PDE3B: variants seen among roughly 807,000 people sequenced by gnomAD.
PDE3B encodes phosphodiesterase 3B.
In PDE3B, 66 loss-of-function variants were observed where a neutral mutation model predicts 116.8. The ratio of observed to expected loss-of-function variants is 0.56; its 90% CI spans 0.46 to 0.69. The LOEUF is 0.69. Ranked by LOEUF, PDE3B falls within the 30% of genes least tolerant of loss-of-function variation. The pLI, the probability that PDE3B is intolerant of heterozygous loss-of-function variation, is 0.00. For synonymous variants in PDE3B, 595 were observed against 533.6 expected (o/e 1.12, Z -1.59); for missense variants, 1,384 against 1,368.1 (o/e 1.01, Z -0.18).
At chr11:14,833,590 C>G (rs1014684227) in intron 10 of PDE3B, among the ~76,000 whole-genome samples, 1 of 151,924 alleles carries the variant, frequency 6.6e-6, no homozygotes, top group African/African-American at 2.4e-5. Context: ...TAACTGTGTT[C>G]TGATTTATGG....
intron 1 of PDE3B, among the ~76,000 whole-genome samples, chr11:14,715,762 C>A (rs967873209): frequency 6.6e-6 from 1 of 152,162 alleles, no homozygotes; most frequent in African/African-American, 2.4e-5. Context: ...CTTCTCCTGC[C>A]TGATTGCCCT....
chr11:14,771,846 AG>A lies in PDE3B; in HGVS notation c.979-90del, dbSNP rs1857651010. On this transcript the variant is annotated intron_variant, in intron 1 of 15. Transcript: ENST00000282096. ...TCTCTTCCAGATTTTGAGCTATATTAGATAATTATAATTGAAAATGCTGAAT... is the reference window on the plus strand; with the variant it reads ...TCTCTTCCAGATTTTGAGCTATATTAATAATTATAATTGAAAATGCTGAAT... 1.4e-5 allele frequency: 7 copies of A among 496,076 alleles called. No individual in the cohort carries two copies. The Admixed American group carries it at 2.1e-4, about 15-fold the overall frequency. 30.7% of individuals were successfully genotyped at this position (496,076 alleles called of 1,614,324 possible). A position where few individuals can be genotyped will look rare whatever the true frequency, so the allele number is the denominator to read the frequency against.
At chr11:14,724,967 A>G (rs779377309) in intron 1 of PDE3B, among the ~76,000 whole-genome samples, 1 of 152,240 alleles carries the variant, frequency 6.6e-6, no homozygotes, top group African/African-American at 2.4e-5. Flanking sequence ...CTTTGCTGTC[A>G]TGGAACCTAA....
At chr11:14,718,052 C>A (rs1197661523) in intron 1 of PDE3B, among the ~76,000 whole-genome samples, 2 of 150,326 alleles carry the variant, frequency 1.3e-5, no homozygotes, top group Admixed American at 6.6e-5. Context: ...CACACATAGG[C>A]TGAAAATAAA....
chr11:14,824,012 C>A (rs1235519854), intron 7 of PDE3B, among the ~76,000 whole-genome samples: 1 of 152,136 alleles, frequency 6.6e-6, no homozygotes, highest in Non-Finnish European at 1.5e-5. Flanking sequence ...TCTGTGGGGA[C>A]CAGGGGCTAG....
chr11:14,796,166 G>C (rs112315787), intron 4 of PDE3B, among the ~76,000 whole-genome samples: 2,036 of 152,202 alleles, frequency 0.013, 46 homozygotes, highest in African/African-American at 0.046. Flanking sequence ...GAGAATGATG[G>C]TTTCCAGCTT....
intron 12 of PDE3B, among the ~76,000 whole-genome samples, chr11:14,845,730 A>G (rs777558454): frequency 6.6e-6 from 1 of 152,240 alleles, no homozygotes; most frequent in Non-Finnish European, 1.5e-5. Context: ...ACCGGAAGAA[A>G]GGGTTTCGGT....
At chr11:14,806,595 C>T (rs551858737) in intron 5 of PDE3B, among the ~76,000 whole-genome samples, 45 of 151,962 alleles carry the variant, frequency 3.0e-4, no homozygotes, top group African/African-American at 1.1e-3. Context: ...CGCGGTGGCT[C>T]ATGCCTGTAA....
chr11:14,800,181 C>G (rs868725115), intron 4 of PDE3B, among the ~76,000 whole-genome samples: 4 of 152,150 alleles, frequency 2.6e-5, no homozygotes, highest in Non-Finnish European at 5.9e-5. Flanking sequence ...TTCTCCTTCA[C>G]TTATGAAGCT....
chr11:14,755,691 A>T (rs1857163745), intron 1 of PDE3B, among the ~76,000 whole-genome samples: 1 of 152,218 alleles, frequency 6.6e-6, no homozygotes. Context: ...TGGAAGACCC[A>T]CATTACAAAA....
intron 11 of PDE3B, among the ~76,000 whole-genome samples, chr11:14,843,411 G>T (rs191442237): frequency 4.5e-4 from 68 of 152,290 alleles, no homozygotes; most frequent in African/African-American, 1.6e-3. Flanking sequence ...AGTTTGGTAA[G>T]ATATTAAATT....
chr11:14,746,960 C>T (rs1427803911), intron 1 of PDE3B, among the ~76,000 whole-genome samples: 3 of 152,102 alleles, frequency 2.0e-5, no homozygotes, highest in Non-Finnish European at 4.4e-5. Context: ...GTTTAGTTGG[C>T]TCATAGTTCT....
At chr11:14,730,334 T>G (rs1282877436) in intron 1 of PDE3B, among the ~76,000 whole-genome samples, 1 of 152,198 alleles carries the variant, frequency 6.6e-6, no homozygotes, top group African/African-American at 2.4e-5. Flanking sequence ...CTAAGCTCTG[T>G]GGTCTATCAA....
intron 7 of PDE3B, 85 bp downstream of exon 7, chr11:14,819,294 C>A: frequency 1.3e-6 from 1 of 778,996 alleles, no homozygotes; most frequent in Non-Finnish European, 2.2e-6. Context: ...ATGAGTTTAA[C>A]TTCAGTTTAT....
At chr11:14,895,890 C>G in the PDE3B span, among the ~76,000 whole-genome samples, 4 of 152,126 alleles carry the variant, frequency 2.6e-5, no homozygotes, top group African/African-American at 9.7e-5. Context: ...GAATGAGGGA[C>G]ATGATGACAT....
intron 5 of PDE3B, among the ~76,000 whole-genome samples, chr11:14,806,587 C>A (rs966308937): frequency 6.6e-6 from 1 of 150,892 alleles, no homozygotes; most frequent in South Asian, 2.1e-4. Flanking sequence ...AGGCCGGGCG[C>A]GGTGGCTCAT....
At chr11:14,723,827 A>G (rs910157689) in intron 1 of PDE3B, among the ~76,000 whole-genome samples, 1 of 152,152 alleles carries the variant, frequency 6.6e-6, no homozygotes, top group African/African-American at 2.4e-5. Flanking sequence ...ATGCTTACAA[A>G]CTGAAAGAAG....
downstream of PDE3B, among the ~76,000 whole-genome samples, chr11:14,872,440 C>T (rs1848153575): frequency 6.6e-6 from 1 of 152,034 alleles, no homozygotes; most frequent in African/African-American, 2.4e-5. Context: ...AGAAAGCATC[C>T]CCACACTGGA....
intron 1 of PDE3B, among the ~76,000 whole-genome samples, chr11:14,706,907 A>T (rs1285937172): frequency 6.6e-6 from 1 of 151,876 alleles, no homozygotes; most frequent in East Asian, 1.9e-4. Flanking sequence ...TAGACATCTG[A>T]TAAGTGTCAA....
Sources: gnomAD v4.1 joint callset for allele counts (sites outside exome capture counted in the v4.1 genomes callset) on GRCh38, gnomAD v4.1.1 for gene constraint, MANE v1.5 for transcripts, NCBI Gene and HGNC (gene_info 2026-07-23, HGNC 2026-07-21) for gene names.